Variants in SLC7A14 observed in about 807,000 individuals in gnomAD.
SLC7A14 encodes the protein solute carrier family 7 member 14.
A neutral mutation model predicts 60.2 loss-of-function variants in SLC7A14; 37 were observed. That is an observed-to-expected ratio of 0.61 (90% CI 0.47 to 0.81). SLC7A14 has a LOEUF of 0.81. SLC7A14 is among the 30% of genes least tolerant of loss of function. SLC7A14 has a pLI of 0.00. For synonymous variants in SLC7A14, 399 were observed against 395.8 expected (o/e 1.01, Z -0.10); for missense variants, 886 against 982.7 (o/e 0.90, Z 1.32).
chr3:170,504,506 A>T (rs1577520165), intron 2 of SLC7A14, among the ~76,000 whole-genome samples: 1 of 151,994 alleles, frequency 6.6e-6, no homozygotes, highest in Non-Finnish European at 1.5e-5. Context: ...TTTTTAGTAG[A>T]GATGGGGTTT....
intron 4 of SLC7A14, chr3:170,496,678 A>G (rs1712408560): frequency 9.3e-7 from 1 of 1,079,420 alleles, no homozygotes. Context: ...TAGGAAGACC[A>G]CCAGCGGCTA....
chr3:170,480,198 A>G (rs559244756), intron 7 of SLC7A14, 91 bp downstream of exon 7: 24 of 1,340,644 alleles, frequency 1.8e-5, no homozygotes, highest in Non-Finnish European at 2.2e-5. Flanking sequence ...CTGGGAACGG[A>G]GTTGCCTAGT....
chr3:170,581,822 C>A (rs1715244894), intron 1 of SLC7A14, among the ~76,000 whole-genome samples: 1 of 152,144 alleles, frequency 6.6e-6, no homozygotes, highest in South Asian at 2.1e-4. Flanking sequence ...AAATGGAGCT[C>A]TAGAGGGCCT....
intron 1 of SLC7A14, among the ~76,000 whole-genome samples, chr3:170,577,486 C>T (rs894575903): frequency 1.3e-4 from 19 of 151,466 alleles, no homozygotes; most frequent in South Asian, 2.1e-4. Context: ...GGCGCGGTGG[C>T]GGGCGCCTGT....
chr3:170,504,458 C>G (rs982674405), intron 2 of SLC7A14, among the ~76,000 whole-genome samples: 1 of 151,974 alleles, frequency 6.6e-6, no homozygotes, highest in Non-Finnish European at 1.5e-5. Context: ...GTAGCTAGGA[C>G]TACAGGCATG....
intron 2 of SLC7A14, among the ~76,000 whole-genome samples, chr3:170,509,213 G>A (rs903347982): frequency 1.3e-5 from 2 of 152,216 alleles, no homozygotes; most frequent in Non-Finnish European, 2.9e-5. Context: ...GTCTGGGAAT[G>A]CCTATGTTTC....
Position 170,498,291 on chromosome 3 carries a change from C to T in SLC7A14, c.759+376G>A, listed in dbSNP as rs181768922. Among the ~76,000 whole-genome samples, 5 of 152,310 alleles carry T rather than the reference C, an allele frequency of 3.3e-5. No individual in the cohort carries two copies. The East Asian group carries it at 5.8e-4, about 18-fold the overall frequency. ...TTTAACAGTAAGCCATTTGAACTCT[C>T]TGAATGGGAGTTTTTTTCATCTTTA... On this transcript the variant is annotated intron_variant, in intron 4 of 7. Coordinates refer to ENST00000231706, the MANE Select transcript of SLC7A14 (RefSeq NM_020949.3).
intron 1 of SLC7A14, among the ~76,000 whole-genome samples, chr3:170,560,384 TC>T (rs1714613368): frequency 6.6e-6 from 1 of 152,180 alleles, no homozygotes; most frequent in Non-Finnish European, 1.5e-5. Context: ...ATTTTAAAAT[TC>T]CTACAGATGT....
At chr3:170,579,702 A>G (rs577376504) in intron 1 of SLC7A14, among the ~76,000 whole-genome samples, 1 of 152,368 alleles carries the variant, frequency 6.6e-6, no homozygotes, top group East Asian at 1.9e-4. Flanking sequence ...TAATTAATAT[A>G]TGTGCTTTCA....
In SLC7A14 at chr3:170,483,302, C is replaced by T. The variant is rs762235119; in HGVS notation, c.1115+12G>A. The T allele has an allele frequency of 1.9e-6, 3 of 1,613,774 alleles. No individual in the cohort carries two copies. The highest frequency in any genetic ancestry group is 1.1e-5 in the South Asian group (1 of 91,070). On this transcript the variant is annotated intron_variant, in intron 6 of 7. Coordinates refer to ENST00000231706, the MANE Select transcript of SLC7A14 (RefSeq NM_020949.3). ...GCAGAGCAGGATAAATTTCATGGAG[C>T]ATAGCCCTTACCTGAAAAGGAGCCC...
At chr3:170,569,638 C>G (rs561881052) in intron 1 of SLC7A14, among the ~76,000 whole-genome samples, 2 of 152,140 alleles carry the variant, frequency 1.3e-5, no homozygotes, top group East Asian at 3.9e-4. Flanking sequence ...TCCATCTGGT[C>G]CTGGTCTCTT....
intron 7 of SLC7A14, among the ~76,000 whole-genome samples, chr3:170,474,704 T>G (rs1469239321): frequency 6.6e-6 from 1 of 152,234 alleles, no homozygotes; most frequent in East Asian, 1.9e-4. Context: ...CAGTTGGATT[T>G]CAGATAATAG....
chr3:170,555,619 C>T (rs148855278), intron 1 of SLC7A14, among the ~76,000 whole-genome samples: 3 of 152,238 alleles, frequency 2.0e-5, no homozygotes, highest in South Asian at 2.1e-4. Flanking sequence ...TACATGGTAT[C>T]GCCTGTTGCT....
At position 170,556,927 on chromosome 3, in the gene SLC7A14, T is replaced by C. The variant is rs534348578; in HGVS notation, c.-153+28984A>G. On this transcript the variant is annotated intron_variant, in intron 1 of 7. Transcript: ENST00000231706. Reference sequence around the variant, plus strand: ...GCTATCTCCCACTCTCATCACAACCTTTGTAACAGAAGTAATAATAAATGG... The same window carrying C: ...GCTATCTCCCACTCTCATCACAACCCTTGTAACAGAAGTAATAATAAATGG... 2.6e-5 allele frequency among the ~76,000 whole-genome samples: 4 copies of C among 152,306 alleles called. No homozygotes were observed. In the East Asian group the frequency reaches 7.7e-4, roughly 29 times the overall value.
Position 170,480,196 on chromosome 3 carries a change from G to T in SLC7A14, c.1993+93C>A, listed in dbSNP as rs79993103. ...GAACCAGCCAGATTTCTCTGGGAAC[G>T]GAGTTGCCTAGTCCAGCTAGGAGGT... is the stretch of plus-strand genomic sequence containing the variant. On this transcript the variant is annotated intron_variant, in intron 7 of 7. Coordinates refer to ENST00000231706, the MANE Select transcript of SLC7A14 (RefSeq NM_020949.3). The T allele has an allele frequency of 4.3e-5, 57 of 1,325,910 alleles. No individual in the cohort carries two copies. The East Asian group carries it at 1.4e-3, about 32-fold the overall frequency. 82.1% of individuals were successfully genotyped at this position (1,325,910 alleles called of 1,614,324 possible).
intron 7 of SLC7A14, among the ~76,000 whole-genome samples, chr3:170,473,031 C>T (rs1351345630): frequency 1.3e-5 from 2 of 152,186 alleles, no homozygotes; most frequent in African/African-American, 4.8e-5. Context: ...TGTGATAAAT[C>T]AGTAATTGAA....
chr3:170,515,765 T>A (rs1713136512), intron 2 of SLC7A14, among the ~76,000 whole-genome samples: 1 of 152,138 alleles, frequency 6.6e-6, no homozygotes, highest in African/African-American at 2.4e-5. Context: ...GATCAGGACA[T>A]GTGAATGACT....
intron 4 of SLC7A14, among the ~76,000 whole-genome samples, chr3:170,488,328 C>T (rs571425015): frequency 6.6e-6 from 1 of 152,322 alleles, no homozygotes; most frequent in East Asian, 1.9e-4. Context: ...AGAACTCCTG[C>T]TTTCCCTACA....
intron 2 of SLC7A14, among the ~76,000 whole-genome samples, chr3:170,510,542 G>A (rs1280273805): frequency 1.3e-5 from 2 of 152,090 alleles, no homozygotes; most frequent in Admixed American, 1.3e-4. Context: ...TATCTTGTCT[G>A]GTCATGCTAT....
Sources: allele counts gnomAD v4.1 joint callset (sites outside exome capture counted in the v4.1 genomes callset), GRCh38; gene constraint gnomAD v4.1.1; transcripts MANE v1.5; gene names NCBI Gene and HGNC (gene_info 2026-07-23, HGNC 2026-07-21).